Variants in ST6GAL2 observed in about 807,000 individuals in gnomAD.
ST6GAL2 encodes beta-galactoside alpha-2,6-sialyltransferase 2.
In ST6GAL2, 24 loss-of-function variants were observed where a neutral mutation model predicts 37.5. The ratio of observed to expected loss-of-function variants is 0.64; its 90% CI spans 0.46 to 0.90. ST6GAL2 has a LOEUF of 0.90. Among genes scored for constraint, ST6GAL2 ranks in the 40% least tolerant of loss-of-function variants. ST6GAL2 has a pLI of 0.00. For synonymous variants in ST6GAL2, 306 were observed against 295.1 expected (o/e 1.04, Z -0.38); for missense variants, 715 against 712.7 (o/e 1.00, Z -0.04).
chr2:106,875,804 T>G (rs1678478734), intron 1 of ST6GAL2, among the ~76,000 whole-genome samples: 1 of 152,204 alleles, frequency 6.6e-6, no homozygotes, highest in African/African-American at 2.4e-5. Flanking sequence ...TATAGGAAGC[T>G]TCCATATTAT....
At chr2:106,862,814 T>C (rs1677863514) in intron 1 of ST6GAL2, among the ~76,000 whole-genome samples, 1 of 152,154 alleles carries the variant, frequency 6.6e-6, no homozygotes. Flanking sequence ...AAAAAACATT[T>C]CTAGACAGGG....
Position 106,811,475 on chromosome 2 carries a change from A to G in ST6GAL2, c.1319-4526T>C, listed in dbSNP as rs546776246. Among the ~76,000 whole-genome samples, 177 of 152,258 alleles carry G rather than the reference A, an allele frequency of 1.2e-3. 1 individual carries two copies. Among genetic ancestry groups the G allele is most frequent in the Non-Finnish European group, 2.0e-3 (137 of 68,012 alleles). On this transcript the variant is annotated intron_variant, in intron 5 of 5. Transcript: ENST00000409382. The stretch of plus-strand genomic sequence containing the variant: ...GCCTCCTCAATTAAATTCAACATCT[A>G]TCAAGCTGACCACGGTACTAATCAT...
At chr2:106,841,238 C>G (rs1232387686) in intron 2 of ST6GAL2, 1 of 152,202 alleles carries the variant, frequency 6.6e-6, no homozygotes, top group East Asian at 1.9e-4. Flanking sequence ...TGGCTTCACC[C>G]TATTCCGAGA....
intron 5 of ST6GAL2, among the ~76,000 whole-genome samples, chr2:106,815,293 T>A (rs937046922): frequency 6.6e-6 from 1 of 152,198 alleles, no homozygotes; most frequent in Non-Finnish European, 1.5e-5. Flanking sequence ...GAATTTATCT[T>A]AAGGAAATAG....
At chr2:106,851,670 CTTTTTTTTTTTTT>C (rs5833214) in intron 1 of ST6GAL2, among the ~76,000 whole-genome samples, 1 of 135,848 alleles carries the variant, frequency 7.4e-6, no homozygotes, top group Non-Finnish European at 1.6e-5. Flanking sequence ...GTTTTTCTTT[CTTTTTTTTTTTTT>C]TTTCACATTT....
intron 1 of ST6GAL2, among the ~76,000 whole-genome samples, chr2:106,870,979 G>A (rs1678240098): frequency 6.6e-6 from 1 of 152,118 alleles, no homozygotes; most frequent in African/African-American, 2.4e-5. Flanking sequence ...GACACATTCT[G>A]AGAAATGCAT....
intron 2 of ST6GAL2, among the ~76,000 whole-genome samples, chr2:106,836,773 C>CAAAA (rs70956213): frequency 1.0e-4 from 7 of 70,220 alleles, no homozygotes; most frequent in African/African-American, 3.0e-4. Context: ...ACTAAAAATA[C>CAAAA]AAAAAAAAAA....
chr2:106,815,672 G>A (rs1558677953), intron 5 of ST6GAL2, among the ~76,000 whole-genome samples: 1 of 152,100 alleles, frequency 6.6e-6, no homozygotes, highest in Non-Finnish European at 1.5e-5. Flanking sequence ...AAAGCTAAAG[G>A]TACTATCAGT....
chr2:106,863,502 C>A (rs1273107199), intron 1 of ST6GAL2, among the ~76,000 whole-genome samples: 3 of 152,088 alleles, frequency 2.0e-5, no homozygotes, highest in Admixed American at 6.6e-5. Flanking sequence ...GTGACCCCCC[C>A]GTCTAACGCA....
intron 4 of ST6GAL2, 144 bp downstream of exon 4, chr2:106,832,421 G>A (rs1156461051): frequency 1.9e-6 from 1 of 537,156 alleles, no homozygotes; most frequent in East Asian, 3.2e-5. Context: ...GGGTATCAAC[G>A]TGGTGTTCAC....
At chr2:106,855,858 C>T (rs1677553197) in intron 1 of ST6GAL2, among the ~76,000 whole-genome samples, 1 of 152,194 alleles carries the variant, frequency 6.6e-6, no homozygotes. Flanking sequence ...ACAAAACATA[C>T]ATCTAACATT....
intron 1 of ST6GAL2, among the ~76,000 whole-genome samples, chr2:106,864,037 T>G (rs1156704183): frequency 6.6e-6 from 1 of 152,202 alleles, no homozygotes; most frequent in East Asian, 1.9e-4. Context: ...TTGGATTGCA[T>G]GTCCCTAGGA....
rs569675386 is a variant in ST6GAL2 at position 106,836,582 on chromosome 2, T to C, written c.944-2436A>G. Reference sequence around the variant, plus strand: ...CATAGTTATACATAAGTTATATATATATATAATATGTTAGTCAGACATTCC... The same window carrying C: ...CATAGTTATACATAAGTTATATATACATATAATATGTTAGTCAGACATTCC... On this transcript the variant is annotated intron_variant, in intron 2 of 5. Transcript: ENST00000409382. 1.3e-4 allele frequency among the ~76,000 whole-genome samples: 19 copies of C among 151,704 alleles called. No homozygotes were observed. The East Asian group carries it at 2.9e-3, about 23-fold the overall frequency.
rs773142087 is a variant in ST6GAL2, at chr2:106,806,689, G to A, written c.1579C>T (p.Pro527Ser). Residue 527 changes from proline (P) to serine (S), a missense_variant, in exon 6 of 6, where the codon CCA becomes TCA. By Grantham distance (74) the Pro-to-Ser change is moderately conservative. Transcript: ENST00000409382. The part of the protein sequence containing the change: ...VHCPAPSPVI[P>S]HS ...CCAAGAAACCCTTTTTAAGAGTGTG[G>A]AATGACTGGACTTGGTGCAGGGCAG... The A allele has an allele frequency of 1.5e-5, 24 of 1,613,866 alleles. 1 individual carries two copies. The South Asian group carries it at 2.0e-4, about 13-fold the overall frequency.
intron 2 of ST6GAL2, among the ~76,000 whole-genome samples, chr2:106,840,415 C>T: frequency 6.6e-6 from 1 of 152,156 alleles, no homozygotes; most frequent in Admixed American, 6.5e-5. Context: ...CTGGCATGTA[C>T]ACTGCTGATG....
At chr2:106,848,016 T>C (rs7584701) in intron 1 of ST6GAL2, among the ~76,000 whole-genome samples, 133,024 of 151,824 alleles carry the variant, frequency 0.88, 58,411 homozygotes, top group East Asian at 0.98. Context: ...TCAAAAAGTT[T>C]GAACCCTGTA....
At chr2:106,827,469 G>A (rs1217163685) in intron 5 of ST6GAL2, among the ~76,000 whole-genome samples, 1 of 152,106 alleles carries the variant, frequency 6.6e-6, no homozygotes, top group African/African-American at 2.4e-5. Context: ...ACCATGACAA[G>A]GCACAAGGGC....
chr2:106,842,614 A>C (rs1676936620), intron 2 of ST6GAL2, among the ~76,000 whole-genome samples: 1 of 151,860 alleles, frequency 6.6e-6, no homozygotes, highest in Non-Finnish European at 1.5e-5. Flanking sequence ...CCATATTCCC[A>C]CTGCAGGATG....
chr2:106,809,722 GA>G, intron 5 of ST6GAL2, among the ~76,000 whole-genome samples: 1 of 152,192 alleles, frequency 6.6e-6, no homozygotes, highest in East Asian at 1.9e-4. Flanking sequence ...CCCTTTAGGT[GA>G]AAGGCCAGTT....
Sources: allele counts gnomAD v4.1 joint callset (sites outside exome capture counted in the v4.1 genomes callset), GRCh38; gene constraint gnomAD v4.1.1; transcripts MANE v1.5; gene names NCBI Gene and HGNC (gene_info 2026-07-23, HGNC 2026-07-21).